SRPK2: variants seen among roughly 807,000 people sequenced by gnomAD.
SRPK2 encodes the protein SFRS protein kinase 2.
SRPK2 carries 21 observed loss-of-function variants against 90.8 expected under a neutral mutation model. The ratio of observed to expected loss-of-function variants is 0.23; its 90% CI spans 0.16 to 0.33. SRPK2 has a LOEUF of 0.33. Among genes scored for constraint, SRPK2 ranks in the 10% least tolerant of loss-of-function variants. The pLI, the probability that SRPK2 is intolerant of heterozygous loss-of-function variation, is 1.00. For synonymous variants in SRPK2, 288 were observed against 311.1 expected (o/e 0.93, Z 0.78); for missense variants, 620 against 869.0 (o/e 0.71, Z 3.60).
At chr7:105,364,041 G>A (rs1463883576) in intron 2 of SRPK2, among the ~76,000 whole-genome samples, 1 of 151,730 alleles carries the variant, frequency 6.6e-6, no homozygotes, top group Non-Finnish European at 1.5e-5. Flanking sequence ...TCGTGGGGTG[G>A]GGGGCTGGGA....
intron 2 of SRPK2, among the ~76,000 whole-genome samples, chr7:105,230,983 T>C (rs929220155): frequency 1.3e-5 from 2 of 152,232 alleles, no homozygotes; most frequent in Non-Finnish European, 2.9e-5. Flanking sequence ...ATGTGCATGT[T>C]TGTCATATAG....
Position 105,167,448 on chromosome 7 carries a change from G to T in SRPK2, c.443C>A (p.Pro148His). Residue 148 changes from proline (P) to histidine (H), a missense_variant, in exon 6 of 16, where the codon CCC becomes CAC. Around this residue, in one of 8 missense-constraint regions of SRPK2, gnomAD observed 196 missense variants for 339.2 expected, o/e 0.58. Coordinates refer to ENST00000393651, the MANE Select transcript of SRPK2 (RefSeq NM_182692.3). ...KLLKCVRESDPSDPNKDMVVQ... is the reference protein window; with the variant it reads ...KLLKCVRESDHSDPNKDMVVQ... Reference sequence around the variant, plus strand: ...CACCATGTCTTTGTTTGGGTCACTGGGATCACTTTCTCGAACCTATGCCAA... The same window carrying T: ...CACCATGTCTTTGTTTGGGTCACTGTGATCACTTTCTCGAACCTATGCCAA... 6.2e-7 allele frequency: 1 copy of T among 1,613,076 alleles called. No individual in the cohort carries two copies. The highest frequency in any genetic ancestry group is 8.5e-7 in the Non-Finnish European group (1 of 1,179,386).
chr7:105,304,003 C>T (rs1004719580), intron 2 of SRPK2, among the ~76,000 whole-genome samples: 8 of 152,154 alleles, frequency 5.3e-5, no homozygotes, highest in African/African-American at 1.7e-4. Context: ...TCATTACGAC[C>T]TGAAAACATG....
chr7:105,343,854 CT>C (rs1816123777), intron 2 of SRPK2, among the ~76,000 whole-genome samples: 1 of 152,094 alleles, frequency 6.6e-6, no homozygotes, highest in Non-Finnish European at 1.5e-5. Flanking sequence ...CCTCTGCCTC[CT>C]GGGTTCAAGC....
intron 7 of SRPK2, among the ~76,000 whole-genome samples, chr7:105,146,931 C>A (rs576961043): frequency 4.6e-5 from 7 of 152,158 alleles, no homozygotes; most frequent in African/African-American, 1.7e-4. Context: ...CAGGTTTGAA[C>A]TGCATGGGTT....
chr7:105,249,863 T>C (rs1184469436), intron 2 of SRPK2, among the ~76,000 whole-genome samples: 2 of 152,306 alleles, frequency 1.3e-5, no homozygotes, highest in African/African-American at 4.8e-5. Context: ...TTAAAAAAAA[T>C]AGTAATTCTC....
chr7:105,240,561 G>A (rs1304467553), intron 2 of SRPK2, among the ~76,000 whole-genome samples: 2 of 151,878 alleles, frequency 1.3e-5, no homozygotes, highest in Admixed American at 1.3e-4. Flanking sequence ...TTCCTGGACA[G>A]AAATTAGGGG....
chr7:105,395,700 C>T (rs551961997), intron 1 of SRPK2, among the ~76,000 whole-genome samples: 18 of 152,068 alleles, frequency 1.2e-4, no homozygotes, highest in East Asian at 1.9e-4. Flanking sequence ...ACTGCACATT[C>T]CAGCTTGGGC....
chr7:105,176,829 T>C (rs1411204378), intron 3 of SRPK2, among the ~76,000 whole-genome samples: 1 of 151,902 alleles, frequency 6.6e-6, no homozygotes, highest in Non-Finnish European at 1.5e-5. Context: ...GAGACAGGGT[T>C]TCACCATGTT....
At chr7:105,259,704 C>A (rs1585406368) in intron 2 of SRPK2, among the ~76,000 whole-genome samples, 1 of 152,168 alleles carries the variant, frequency 6.6e-6, no homozygotes, top group African/African-American at 2.4e-5. Flanking sequence ...ACCAATGGAA[C>A]AGAACAGAGG....
intron 2 of SRPK2, among the ~76,000 whole-genome samples, chr7:105,357,257 T>C (rs1242842763): frequency 6.6e-6 from 1 of 152,058 alleles, no homozygotes; most frequent in Non-Finnish European, 1.5e-5. Context: ...GCCAGGATGG[T>C]CTCGATCTCC....
At chr7:105,358,852 T>G (rs1312473959) in intron 2 of SRPK2, among the ~76,000 whole-genome samples, 2 of 152,036 alleles carry the variant, frequency 1.3e-5, no homozygotes, top group Non-Finnish European at 2.9e-5. Context: ...ACAACAAGCA[T>G]GGCACCAGCA....
chr7:105,329,548 C>T (rs1375061562), intron 2 of SRPK2, among the ~76,000 whole-genome samples: 1 of 149,536 alleles, frequency 6.7e-6, no homozygotes. Flanking sequence ...GAGCCGAGAT[C>T]GCACCACCGC....
intron 2 of SRPK2, among the ~76,000 whole-genome samples, chr7:105,280,951 A>G (rs1807230252): frequency 1.1e-4 from 1 of 8,934 alleles, no homozygotes. Context: ...CCATCTCAAA[A>G]AAAAAAAAAA....
chr7:105,343,970 G>C (rs1816144337), intron 2 of SRPK2, among the ~76,000 whole-genome samples: 4 of 152,002 alleles, frequency 2.6e-5, no homozygotes, highest in Admixed American at 6.6e-5. Context: ...CATCATGTTG[G>C]CCAGGCTGGT....
At chr7:105,339,616 G>A (rs1815509456) in intron 2 of SRPK2, among the ~76,000 whole-genome samples, 1 of 152,216 alleles carries the variant, frequency 6.6e-6, no homozygotes, top group African/African-American at 2.4e-5. Context: ...TGATCCCTGA[G>A]AATACTACTA....
chr7:105,135,255 T>C (rs954864814), intron 11 of SRPK2, among the ~76,000 whole-genome samples: 7 of 152,064 alleles, frequency 4.6e-5, no homozygotes, highest in Non-Finnish European at 8.8e-5. Context: ...TGAGGCTTGG[T>C]GTTCAGGAAA....
chr7:105,167,037 T>A (rs1030541955), intron 6 of SRPK2, among the ~76,000 whole-genome samples: 4 of 152,340 alleles, frequency 2.6e-5, no homozygotes, highest in Admixed American at 2.6e-4. Context: ...TGCACTGGTT[T>A]TAGAAAGTTT....
intron 2 of SRPK2, among the ~76,000 whole-genome samples, chr7:105,347,226 G>C (rs977093333): frequency 1.3e-5 from 2 of 151,882 alleles, no homozygotes; most frequent in Non-Finnish European, 2.9e-5. Flanking sequence ...ACCGCGCCCG[G>C]CTAATTATTT....
Sources: allele counts gnomAD v4.1 joint callset (sites outside exome capture counted in the v4.1 genomes callset), GRCh38; gene constraint gnomAD v4.1.1; regional missense constraint gnomAD v4.1.1; transcripts MANE v1.5; gene names NCBI Gene and HGNC (gene_info 2026-07-23, HGNC 2026-07-21).